Variants in AGBL1 observed in about 807,000 individuals in gnomAD.
AGBL1 encodes the protein AGBL carboxypeptidase 1, also known as cytosolic carboxypeptidase 4.
Under a neutral mutation model 118.9 loss-of-function variants are expected in AGBL1, and 130 were observed. The ratio of observed to expected loss-of-function variants is 1.09; its 90% CI spans 0.95 to 1.26. The LOEUF is 1.26. Ranked by LOEUF, AGBL1 falls within the 50% of genes most tolerant of loss-of-function variation. AGBL1 has a pLI of 0.00. For synonymous variants in AGBL1, 555 were observed against 478.9 expected, an observed-to-expected ratio of 1.16 and a Z score of -2.08; for missense variants, 1,584 against 1,298.1, an observed-to-expected ratio of 1.22 and a Z score of -3.38.
intron 17 of AGBL1, among the ~76,000 whole-genome samples, chr15:86,301,955 G>T (rs28550826): frequency 1.3e-5 from 2 of 151,904 alleles, no homozygotes; most frequent in African/African-American, 4.8e-5. Flanking sequence ...TATATAAAAC[G>T]CATCAAAACC....
chr15:86,391,147 C>G (rs1296892427), intron 17 of AGBL1, among the ~76,000 whole-genome samples: 1 of 151,780 alleles, frequency 6.6e-6, no homozygotes, highest in Non-Finnish European at 1.5e-5. Context: ...TTTGATTTTA[C>G]AACACTGTAT....
At chr15:86,415,096 G>T (rs2081673000) in intron 18 of AGBL1, among the ~76,000 whole-genome samples, 1 of 152,142 alleles carries the variant, frequency 6.6e-6, no homozygotes, top group Admixed American at 6.6e-5. Context: ...TGATCAGTGG[G>T]TACCACTAAC....
chr15:86,865,416 G>A (rs1009118155), intron 22 of AGBL1, among the ~76,000 whole-genome samples: 1 of 152,180 alleles, frequency 6.6e-6, no homozygotes. Flanking sequence ...GGTACCCTTT[G>A]TTGAAACTGA....
At position 86,405,832 on chromosome 15, in the gene AGBL1, C is replaced by G. The variant is rs7172068; in HGVS notation, c.2555+8286C>G. 4.3e-3 allele frequency among the ~76,000 whole-genome samples: 643 copies of G among 149,934 alleles called. 5 individuals carry two copies. Among genetic ancestry groups the G allele is most frequent in the African/African-American group, 0.013 (527 of 40,674 alleles). ...AGAAGTCTAAGTTCAAAAGGAGATG[C>G]TAAAAAAAAAAAAGATTAAGAACTG... On this transcript the variant is annotated intron_variant, in intron 18 of 22. Transcript: ENST00000614907.
At chr15:86,830,886 T>A (rs1367799976) in intron 22 of AGBL1, among the ~76,000 whole-genome samples, 1 of 152,162 alleles carries the variant, frequency 6.6e-6, no homozygotes, top group East Asian at 1.9e-4. Context: ...AAGACACACA[T>A]TGTATTAGTC....
intron 23 of AGBL1, chr15:86,935,106 A>G (rs2080652299): frequency 6.6e-6 from 1 of 152,166 alleles, no homozygotes; most frequent in Non-Finnish European, 1.5e-5. Flanking sequence ...TCTTTTCATT[A>G]TGGGAGTGAA....
intron 22 of AGBL1, among the ~76,000 whole-genome samples, chr15:86,809,907 T>A (rs2141365983): frequency 6.6e-6 from 1 of 152,274 alleles, no homozygotes; most frequent in Middle Eastern, 3.4e-3. Context: ...GTTTGGCCAA[T>A]AAAAGCTCTG....
chr15:86,091,802 C>T (rs997602868), intron 1 of AGBL1, among the ~76,000 whole-genome samples: 3 of 152,066 alleles, frequency 2.0e-5, no homozygotes, highest in African/African-American at 7.2e-5. Flanking sequence ...AATTATATAT[C>T]TCTCATGTAT....
At chr15:86,128,739 T>C (rs2076780591) in intron 1 of AGBL1, among the ~76,000 whole-genome samples, 1 of 152,202 alleles carries the variant, frequency 6.6e-6, no homozygotes, top group Non-Finnish European at 1.5e-5. Context: ...ACTCATTTAC[T>C]AGATCTGGGG....
At chr15:86,673,319 G>A (rs573832099) in intron 21 of AGBL1, among the ~76,000 whole-genome samples, 3 of 152,234 alleles carry the variant, frequency 2.0e-5, no homozygotes, top group East Asian at 1.9e-4. Context: ...AAAAGAGTTC[G>A]CTGAGCCCAA....
intron 5 of AGBL1, among the ~76,000 whole-genome samples, chr15:86,172,000 A>G (rs571614661): frequency 6.6e-6 from 1 of 152,322 alleles, no homozygotes; most frequent in South Asian, 2.1e-4. Context: ...TGAGTGTGCA[A>G]AGTCATAAGA....
At chr15:86,164,656 A>G (rs1384257256) in intron 5 of AGBL1, among the ~76,000 whole-genome samples, 1 of 152,136 alleles carries the variant, frequency 6.6e-6, no homozygotes, top group African/African-American at 2.4e-5. Flanking sequence ...AACCTTTGGA[A>G]CTGGGTTATC....
chr15:86,278,127 G>A (rs1479119904), intron 15 of AGBL1, among the ~76,000 whole-genome samples: 1 of 152,210 alleles, frequency 6.6e-6, no homozygotes, highest in Non-Finnish European at 1.5e-5. Context: ...AGCTTTTGGA[G>A]AAGCTTCAGA....
At chr15:86,319,752 T>TC in intron 17 of AGBL1, among the ~76,000 whole-genome samples, 1 of 35,324 alleles carries the variant, frequency 2.8e-5, no homozygotes, top group African/African-American at 9.2e-5. Flanking sequence ...AGTTTTTTTT[T>TC]TTTTTTTTTT....
intron 22 of AGBL1, among the ~76,000 whole-genome samples, chr15:86,872,211 G>A (rs902769231): frequency 6.6e-6 from 1 of 152,198 alleles, no homozygotes; most frequent in Admixed American, 6.5e-5. Flanking sequence ...ATCACAAGCA[G>A]TGCCTGTGAA....
chr15:86,356,282 G>A (rs1385058127), intron 17 of AGBL1, among the ~76,000 whole-genome samples: 1 of 151,946 alleles, frequency 6.6e-6, no homozygotes, highest in Non-Finnish European at 1.5e-5. Context: ...AGACTTTATT[G>A]TAAGTAGAAT....
intron 1 of AGBL1, among the ~76,000 whole-genome samples, chr15:86,141,115 G>C (rs1161038987): frequency 3.3e-5 from 5 of 152,124 alleles, no homozygotes; most frequent in African/African-American, 1.2e-4. Context: ...GGTACTTCTG[G>C]CCTTGCTGTA....
At chr15:86,123,147 AC>A (rs1211264962) in intron 1 of AGBL1, among the ~76,000 whole-genome samples, 1 of 152,156 alleles carries the variant, frequency 6.6e-6, no homozygotes, top group East Asian at 1.9e-4. Context: ...AGAGTCGGGC[AC>A]CTTATTAGCT....
intron 22 of AGBL1, among the ~76,000 whole-genome samples, chr15:86,730,064 GTCT>G (rs1249800530): frequency 1.3e-5 from 2 of 152,128 alleles, no homozygotes; most frequent in African/African-American, 4.8e-5. Context: ...CTGCATGTAT[GTCT>G]TCTTTTGAGA....
Sources: allele counts gnomAD v4.1 joint callset (sites outside exome capture counted in the v4.1 genomes callset), GRCh38; gene constraint gnomAD v4.1.1; transcripts MANE v1.5; gene names NCBI Gene and HGNC (gene_info 2026-07-23, HGNC 2026-07-21).